ATP8A2: variants seen among roughly 807,000 people sequenced by gnomAD.
The protein encoded by ATP8A2 is ATPase phospholipid transporting 8A2.
ATP8A2 carries 100 observed loss-of-function variants against 165.6 expected under a neutral mutation model. That is an observed-to-expected ratio of 0.60 (90% CI 0.51 to 0.71). The LOEUF is 0.71. ATP8A2 is among the 30% of genes least tolerant of loss of function. ATP8A2 has a pLI of 0.00. For synonymous variants in ATP8A2, 543 were observed against 548.8 expected (o/e 0.99, Z 0.15); for missense variants, 1,227 against 1,479.5 (o/e 0.83, Z 2.80).
At chr13:25,531,032 C>A (rs1464801469) in intron 4 of ATP8A2, among the ~76,000 whole-genome samples, 2 of 151,708 alleles carry the variant, frequency 1.3e-5, no homozygotes, top group East Asian at 3.9e-4. Context: ...AATCTTCTCC[C>A]CTCACAATCA....
chr13:25,825,939 C>T (rs544240035), intron 27 of ATP8A2, among the ~76,000 whole-genome samples: 10 of 151,664 alleles, frequency 6.6e-5, no homozygotes, highest in African/African-American at 2.2e-4. Context: ...ATGGTGATGA[C>T]AGAGGATGGA....
At chr13:25,948,516 C>G (rs139696636) in intron 33 of ATP8A2, among the ~76,000 whole-genome samples, 2 of 152,172 alleles carry the variant, frequency 1.3e-5, no homozygotes, top group East Asian at 3.9e-4. Context: ...GGATTGGAGC[C>G]CCGGCAGCCT....
chr13:25,758,423 A>G (rs1166841198), intron 25 of ATP8A2, among the ~76,000 whole-genome samples: 1 of 152,224 alleles, frequency 6.6e-6, no homozygotes, highest in Admixed American at 6.5e-5. Flanking sequence ...AATTATGGAG[A>G]CAGAAGCACA....
At chr13:25,737,833 G>GCA (rs2043810102) in intron 25 of ATP8A2, among the ~76,000 whole-genome samples, 1 of 152,012 alleles carries the variant, frequency 6.6e-6, no homozygotes, top group Non-Finnish European at 1.5e-5. Context: ...CAGGCGCCTG[G>GCA]CCACCATGCC....
chr13:25,945,507 G>A (rs530779238), intron 33 of ATP8A2, among the ~76,000 whole-genome samples: 6 of 152,046 alleles, frequency 3.9e-5, no homozygotes, highest in African/African-American at 1.5e-4. Flanking sequence ...ATTTTCACTG[G>A]GTTATCATAA....
intron 33 of ATP8A2, among the ~76,000 whole-genome samples, chr13:25,869,083 A>C (rs1037654683): frequency 2.0e-5 from 3 of 151,910 alleles, no homozygotes; most frequent in Non-Finnish European, 2.9e-5. Flanking sequence ...AAAAAAAAAA[A>C]AAAAAAAAAA....
At chr13:25,464,785 G>T (rs1374053719) in intron 1 of ATP8A2, among the ~76,000 whole-genome samples, 1 of 152,128 alleles carries the variant, frequency 6.6e-6, no homozygotes, top group African/African-American at 2.4e-5. Flanking sequence ...TACCTAAAAG[G>T]CACCTACTAC....
Position 25,372,151 on chromosome 13 carries a change from C to CTA in ATP8A2, c.-62_-61insTA, listed in dbSNP as rs2032421619. On this transcript the variant is annotated 5_prime_UTR_variant, in exon 1 of 37. An upstream open reading frame in the 5' UTR gains an earlier in-frame stop. Transcript: ENST00000381655. This position sits in a 1 kb window ranked among gnomAD's most constrained non-coding sequence, Gnocchi z 4.8. ...TGGTCCTCGGGCGGCGGCCCCTGCG[C>CTA]CCAGCCCTGCGCGTAGCCTCCGTCT... is the stretch of plus-strand genomic sequence containing the variant. 8.1e-7 allele frequency: 1 copy of CTA among 1,235,336 alleles called. No individual in the cohort carries two copies. The highest frequency in any genetic ancestry group is 1.6e-5 in the African/African-American group (1 of 63,414). 76.5% of individuals were successfully genotyped at this position (1,235,336 alleles called of 1,614,324 possible). A position where few individuals can be genotyped will look rare whatever the true frequency, so the allele number is the denominator to read the frequency against.
Position 25,638,981 on chromosome 13 carries a change from C to T in ATP8A2, c.2211+49282C>T, listed in dbSNP as rs956333117. On this transcript the variant is annotated intron_variant, in intron 24 of 36. Coordinates refer to ENST00000381655, the MANE Select transcript of ATP8A2 (RefSeq NM_016529.6). ...ATTCTTAAAGAAAAGAATTTTCAAC[C>T]CAGAATTTCATATCCAGCCAAACCA... is the stretch of plus-strand genomic sequence containing the variant. 3.3e-5 allele frequency among the ~76,000 whole-genome samples: 5 copies of T among 152,210 alleles called. 1 individual carries two copies. The South Asian group carries it at 1.0e-3, about 32-fold the overall frequency.
At chr13:25,570,905 C>G in intron 17 of ATP8A2, 33 bp downstream of exon 17, 1 of 1,515,546 alleles carries the variant, frequency 6.6e-7, no homozygotes, top group East Asian at 2.3e-5. Flanking sequence ...CCCTGCTGGC[C>G]CCTTCTCAGG....
At chr13:25,498,202 C>T (rs1485524117) in intron 2 of ATP8A2, among the ~76,000 whole-genome samples, 1 of 152,110 alleles carries the variant, frequency 6.6e-6, no homozygotes, top group Non-Finnish European at 1.5e-5. Flanking sequence ...GGTGCTCATA[C>T]TATGAATGGT....
chr13:25,515,917 G>A (rs117092512), intron 2 of ATP8A2, among the ~76,000 whole-genome samples: 2 of 152,238 alleles, frequency 1.3e-5, no homozygotes, highest in Non-Finnish European at 2.9e-5. Context: ...CTTTGGTTTT[G>A]TGCACTTTGC....
chr13:25,712,302 A>G (rs2043174043), intron 25 of ATP8A2, among the ~76,000 whole-genome samples: 1 of 152,206 alleles, frequency 6.6e-6, no homozygotes, highest in Non-Finnish European at 1.5e-5. Context: ...GCACAGTACC[A>G]TGAGGGTCTT....
chr13:25,989,080 AG>A (rs1272379414), intron 35 of ATP8A2, among the ~76,000 whole-genome samples: 1 of 152,238 alleles, frequency 6.6e-6, no homozygotes, highest in East Asian at 1.9e-4. Flanking sequence ...ATTAGTGTTT[AG>A]GAGGTTAATC....
chr13:25,480,194 C>T (rs2036128136), intron 2 of ATP8A2, among the ~76,000 whole-genome samples: 3 of 141,406 alleles, frequency 2.1e-5, no homozygotes, highest in African/African-American at 2.7e-5. Flanking sequence ...CCCTCCCGGA[C>T]GGAGTGGCTG....
At chr13:25,667,867 C>T (rs998211914) in intron 24 of ATP8A2, among the ~76,000 whole-genome samples, 3 of 151,930 alleles carry the variant, frequency 2.0e-5, no homozygotes, top group African/African-American at 7.3e-5. Context: ...ATGAGTATTA[C>T]AATTAATATT....
Position 25,849,747 on chromosome 13 carries a change from A to G in ATP8A2, c.2956+10123A>G, listed in dbSNP as rs369486563. On this transcript the variant is annotated intron_variant, in intron 30 of 36. Transcript: ENST00000381655. Reference sequence around the variant, plus strand: ...TGTTCCTGAACCCCAACCAGATTTCATGACTGATAGGAGTCTGGAAGAACA... The same window carrying G: ...TGTTCCTGAACCCCAACCAGATTTCGTGACTGATAGGAGTCTGGAAGAACA... Among the ~76,000 whole-genome samples, 11 of 152,266 alleles carry G rather than the reference A, an allele frequency of 7.2e-5. No individual in the cohort carries two copies. The East Asian group carries it at 1.9e-3, about 27-fold the overall frequency.
intron 33 of ATP8A2, among the ~76,000 whole-genome samples, chr13:25,874,299 C>T (rs1294593252): frequency 6.6e-6 from 1 of 152,214 alleles, no homozygotes; most frequent in Non-Finnish European, 1.5e-5. Context: ...GCTCCTCTCA[C>T]TTCCTGACTG....
intron 24 of ATP8A2, among the ~76,000 whole-genome samples, chr13:25,629,629 A>G (rs750811544): frequency 1.3e-5 from 2 of 152,128 alleles, no homozygotes; most frequent in Non-Finnish European, 2.9e-5. Context: ...TCGGGAGGCT[A>G]TTTGAAGGAA....
Sources: allele counts gnomAD v4.1 joint callset (sites outside exome capture counted in the v4.1 genomes callset), GRCh38; gene constraint gnomAD v4.1.1; non-coding constraint Gnocchi (gnomAD v3.1); transcripts MANE v1.5; gene names NCBI Gene and HGNC (gene_info 2026-07-23, HGNC 2026-07-21).